The following GPC5 variants were observed in gnomAD, a reference collection of about 807,000 sequenced individuals.
The protein encoded by GPC5 is glypican-5.
Under a neutral mutation model 53.9 loss-of-function variants are expected in GPC5, and 47 were observed. The observed-to-expected ratio is 0.87, with a 90% CI of 0.69 to 1.11. GPC5 has a LOEUF of 1.11. Among genes scored for constraint, GPC5 ranks in the 50% most tolerant of loss-of-function variants. The pLI, the probability that GPC5 is intolerant of heterozygous loss-of-function variation, is 0.00. For synonymous variants in GPC5, 286 were observed against 263.3 expected, an observed-to-expected ratio of 1.09 and a Z score of -0.84; for missense variants, 748 against 713.1, an observed-to-expected ratio of 1.05 and a Z score of -0.56.
chr13:92,313,825 A>G (rs574969388), intron 7 of GPC5, among the ~76,000 whole-genome samples: 1 of 152,100 alleles, frequency 6.6e-6, no homozygotes, highest in South Asian at 2.1e-4. Context: ...CCTTTCTTTT[A>G]TCTCCTATAC....
intron 2 of GPC5, among the ~76,000 whole-genome samples, chr13:91,641,922 G>A (rs1172203404): frequency 6.6e-6 from 1 of 152,172 alleles, no homozygotes; most frequent in Non-Finnish European, 1.5e-5. Flanking sequence ...CTGACACAAG[G>A]ATATATTGCA....
intron 7 of GPC5, among the ~76,000 whole-genome samples, chr13:92,851,651 G>A (rs1282180857): frequency 1.3e-5 from 2 of 151,882 alleles, no homozygotes; most frequent in Non-Finnish European, 2.9e-5. Flanking sequence ...GGAGGCCAAG[G>A]AGGGCGGATC....
At chr13:92,172,169 A>G (rs1286507987) in intron 7 of GPC5, among the ~76,000 whole-genome samples, 1 of 152,224 alleles carries the variant, frequency 6.6e-6, no homozygotes, top group Non-Finnish European at 1.5e-5. Flanking sequence ...GGATGGTTGA[A>G]TGGGTGGATG....
At chr13:92,802,793 A>G (rs538637650) in intron 7 of GPC5, among the ~76,000 whole-genome samples, 1 of 152,084 alleles carries the variant, frequency 6.6e-6, no homozygotes, top group East Asian at 1.9e-4. Flanking sequence ...CACCAGTACT[A>G]TATCTATTTA....
intron 7 of GPC5, among the ~76,000 whole-genome samples, chr13:92,177,840 C>T (rs186181979): frequency 7.7e-4 from 118 of 152,272 alleles, no homozygotes; most frequent in African/African-American, 2.5e-3. Context: ...CAAAGCTCAA[C>T]GAAAATTGGC....
chr13:92,312,622 T>G (rs1426344348), intron 7 of GPC5, among the ~76,000 whole-genome samples: 1 of 152,192 alleles, frequency 6.6e-6, no homozygotes, highest in African/African-American at 2.4e-5. Flanking sequence ...AGTCTTCCTC[T>G]CCTCTAAAAT....
At chr13:91,730,420 T>C (rs748946375) in intron 4 of GPC5, among the ~76,000 whole-genome samples, 6 of 152,154 alleles carry the variant, frequency 3.9e-5, no homozygotes, top group Non-Finnish European at 8.8e-5. Context: ...TGATTTCCAA[T>C]AGATCACTTC....
chr13:92,154,132 C>A (rs2041926538), intron 7 of GPC5, among the ~76,000 whole-genome samples: 1 of 152,100 alleles, frequency 6.6e-6, no homozygotes, highest in Non-Finnish European at 1.5e-5. Context: ...CAGTGTATCA[C>A]ATGGAGAGAG....
At chr13:92,187,834 A>G (rs117154624) in intron 7 of GPC5, among the ~76,000 whole-genome samples, 1,946 of 152,364 alleles carry the variant, frequency 0.013, 17 homozygotes, top group Non-Finnish European at 0.019. Context: ...ATTGTTCAGT[A>G]CAATATTCTC....
At chr13:91,708,176 G>A (rs1339252449) in intron 3 of GPC5, among the ~76,000 whole-genome samples, 1 of 152,160 alleles carries the variant, frequency 6.6e-6, no homozygotes, top group Non-Finnish European at 1.5e-5. Flanking sequence ...CAAGACAAAG[G>A]CAATATTTGA....
chr13:92,509,477 T>C (rs1227096876), intron 7 of GPC5: 2 of 152,206 alleles, frequency 1.3e-5, no homozygotes, highest in Admixed American at 1.3e-4. Flanking sequence ...TATTTTCTTA[T>C]CTTTTTCTTA....
intron 7 of GPC5, among the ~76,000 whole-genome samples, chr13:92,568,109 G>A (rs749649866): frequency 6.6e-6 from 1 of 151,934 alleles, no homozygotes; most frequent in Non-Finnish European, 1.5e-5. Context: ...ATCACTTGAG[G>A]CCAGAAGTTC....
At chr13:92,441,407 T>C (rs1297500336) in intron 7 of GPC5, among the ~76,000 whole-genome samples, 1 of 152,216 alleles carries the variant, frequency 6.6e-6, no homozygotes, top group African/African-American at 2.4e-5. Context: ...TATCTCTCTT[T>C]GCCTATGAAA....
intron 7 of GPC5, among the ~76,000 whole-genome samples, chr13:92,632,440 C>G (rs1273546714): frequency 7.2e-6 from 1 of 139,582 alleles, no homozygotes; most frequent in Non-Finnish European, 1.5e-5. Context: ...CTTTTCTATT[C>G]TTTTGGAGGA....
intron 6 of GPC5, among the ~76,000 whole-genome samples, chr13:91,981,934 G>T (rs1221911742): frequency 6.6e-6 from 1 of 152,170 alleles, no homozygotes; most frequent in Admixed American, 6.5e-5. Flanking sequence ...TGAGAGGCTG[G>T]AACAGAACAT....
chr13:91,584,027 C>A (rs903491227), intron 2 of GPC5, among the ~76,000 whole-genome samples: 2 of 151,974 alleles, frequency 1.3e-5, no homozygotes, highest in African/African-American at 4.8e-5. Flanking sequence ...ATCAAGAGGC[C>A]CAAATCTAAT....
At chr13:92,235,975 G>A (rs1040509914) in intron 7 of GPC5, among the ~76,000 whole-genome samples, 4 of 151,868 alleles carry the variant, frequency 2.6e-5, no homozygotes, top group African/African-American at 9.7e-5. Flanking sequence ...AAAATATTAA[G>A]CTAGGCTACC....
intron 3 of GPC5, among the ~76,000 whole-genome samples, chr13:91,717,115 T>C (rs1426074683): frequency 6.6e-6 from 1 of 152,102 alleles, no homozygotes; most frequent in African/African-American, 2.4e-5. Context: ...TCATAGGTGA[T>C]ATTTTAAACA....
intron 7 of GPC5, among the ~76,000 whole-genome samples, chr13:92,334,772 T>C (rs948012169): frequency 5.9e-5 from 9 of 152,140 alleles, no homozygotes; most frequent in African/African-American, 1.9e-4. Context: ...GTCCAAAATC[T>C]AATAGGGCAG....
Sources: allele counts gnomAD v4.1 joint callset (sites outside exome capture counted in the v4.1 genomes callset), GRCh38; gene constraint gnomAD v4.1.1; transcripts MANE v1.5; gene names NCBI Gene and HGNC (gene_info 2026-07-23, HGNC 2026-07-21).